The following WNT10A variants were observed in gnomAD, a reference collection of about 807,000 sequenced individuals.
The protein encoded by WNT10A is Wnt family member 10A.
In WNT10A, 37 loss-of-function variants were observed where a neutral mutation model predicts 36.1. That is an observed-to-expected ratio of 1.02 (90% CI 0.79 to 1.35). The LOEUF (loss-of-function observed/expected upper bound fraction) is 1.35. Ranked by LOEUF, WNT10A falls within the 40% of genes most tolerant of loss-of-function variation. The probability of loss-of-function intolerance (pLI) is 0.00; values close to 1 mark genes in which losing one functional copy is unlikely to be tolerated. For synonymous variants in WNT10A, 255 were observed against 254.1 expected (o/e 1.00, Z -0.03); for missense variants, 613 against 601.4 (o/e 1.02, Z -0.20).
chr2:218,888,084 G>C (rs1944598636), intron 2 of WNT10A, among the ~76,000 whole-genome samples: 2 of 152,134 alleles, frequency 1.3e-5, no homozygotes, highest in African/African-American at 2.4e-5. Context: ...TTTTGGTTTT[G>C]GTTTTTTTGT....
At chr2:218,892,306 CACACA>C (rs1944661592) in intron 3 of WNT10A, among the ~76,000 whole-genome samples, 146 of 542 alleles carry the variant, frequency 0.27, 2 homozygotes, top group Non-Finnish European at 0.066. Context: ...CACCCCACCA[CACACA>C]CACACACACA....
At chr2:218,878,696 C>T (rs528854769), upstream of WNT10A, among the ~76,000 whole-genome samples, 6 of 152,204 alleles carry the variant, frequency 3.9e-5, no homozygotes, top group South Asian at 4.2e-4. This position sits in a 1 kb window ranked among gnomAD's most constrained non-coding sequence, Gnocchi z 4.1. Context: ...CTGCATCAAG[C>T]GTGGGAAATG....
chr2:218,879,328 G>A (rs73084759), upstream of WNT10A, among the ~76,000 whole-genome samples: 24 of 152,332 alleles, frequency 1.6e-4, no homozygotes, highest in African/African-American at 5.1e-4. Context: ...TTGTTCCTAA[G>A]CCAGCAGGGG....
Position 218,881,027 on chromosome 2 carries a change from G to C in WNT10A, c.32G>C (p.Arg11Pro). The change falls in exon 1 of 4, where the codon CGG (arginine) becomes CCG (proline). Residue 11 changes from arginine to proline, a missense_variant. Arg to Pro is a moderately radical substitution (Grantham distance 103). Coordinates refer to ENST00000258411, the MANE Select transcript of WNT10A (RefSeq NM_025216.3). ...AGCGCCCACCCTCGCCCCTGGCTGCGGCTCCGACCCCAGCCCCAGCCGCGG... is the reference window on the plus strand; with the variant it reads ...AGCGCCCACCCTCGCCCCTGGCTGCCGCTCCGACCCCAGCCCCAGCCGCGG... MGSAHPRPWLRLRPQPQPRPA... is the reference protein window; with the variant it reads MGSAHPRPWLPLRPQPQPRPA... 8 of 1,598,716 alleles carry C rather than the reference G, an allele frequency of 5.0e-6. No homozygotes were observed. Among genetic ancestry groups the C allele is most frequent in the African/African-American group, 1.3e-5 (1 of 74,790 alleles).
Position 218,880,901 on chromosome 2 carries a change from C to A in WNT10A, c.-95C>A. 2 of 1,414,464 alleles carry A rather than the reference C, an allele frequency of 1.4e-6. No homozygotes were observed. Among genetic ancestry groups the A allele is most frequent in the Middle Eastern group, 2.6e-4 (1 of 3,918 alleles). 87.6% of individuals were successfully genotyped at this position (1,414,464 alleles called of 1,614,324 possible). A position where few individuals can be genotyped will look rare whatever the true frequency, so the allele number is the denominator to read the frequency against. On this transcript the variant is annotated 5_prime_UTR_variant, in exon 1 of 4. Transcript: ENST00000258411. This position sits in a 1 kb window ranked among gnomAD's most constrained non-coding sequence, Gnocchi z 7.7. The stretch of plus-strand genomic sequence containing the variant: ...AGTCGGAGCTGTGTGTCGCAGCCGC[C>A]CCGACCCCCCGCCGATCATGCGCCG...
At chr2:218,885,846 T>C (rs1944571623) in intron 2 of WNT10A, among the ~76,000 whole-genome samples, 3 of 152,252 alleles carry the variant, frequency 2.0e-5, no homozygotes, top group African/African-American at 7.2e-5. Flanking sequence ...GGTTCAATTA[T>C]TCTAACGATA....
In WNT10A at chr2:218,889,973, T is replaced by C. The variant is rs369995297; in HGVS notation, c.377-11T>C. 18 of 1,612,114 alleles carry C rather than the reference T, an allele frequency of 1.1e-5. No homozygotes were observed. Among genetic ancestry groups the C allele is most frequent in the Non-Finnish European group, 1.4e-5 (17 of 1,180,046 alleles). On this transcript the variant is annotated splice_polypyrimidine_tract_variant and intron_variant, in intron 2 of 3. Transcript: ENST00000258411. Reference sequence around the variant, plus strand: ...CTCCAGAGTCCATGTGTTCTGGGTCTTTAACCACAGGTTTCCGAGAGAGCG... The same window carrying C: ...CTCCAGAGTCCATGTGTTCTGGGTCCTTAACCACAGGTTTCCGAGAGAGCG...
chr2:218,886,457 G>C (rs1390920340), intron 2 of WNT10A, among the ~76,000 whole-genome samples: 2 of 152,092 alleles, frequency 1.3e-5, no homozygotes, highest in Non-Finnish European at 2.9e-5. Flanking sequence ...ATTGGCTCCT[G>C]AATCCTCTCT....
In WNT10A at chr2:218,893,127, T is replaced by C. The variant is rs1944677227; in HGVS notation, c.1110T>C (p.Asp370=). 1 of 1,594,214 alleles carries C rather than the reference T, an allele frequency of 6.3e-7. No homozygotes were observed. Among genetic ancestry groups the C allele is most frequent in the Non-Finnish European group, 8.5e-7 (1 of 1,177,882 alleles). ...GCAACAAGAGCAGCGCCGGCTCGGA[T>C]GGCTGCGGCAGCATGTGCTGCGGCC... ...RLCNKSSAGS[D]GCGSMCCGRG... is the part of the protein sequence containing the mutation. Residue 370 remains aspartate (D), a synonymous_variant, in exon 4 of 4, where the codon GAT becomes GAC. Coordinates refer to ENST00000258411, the MANE Select transcript of WNT10A (RefSeq NM_025216.3). This position sits in a 1 kb window ranked among gnomAD's most constrained non-coding sequence, Gnocchi z 6.3.
In WNT10A at chr2:218,882,334, G is replaced by C. The variant is rs1365352483; in HGVS notation, c.287G>C (p.Cys96Ser). The change falls in exon 2 of 4, where the codon TGC becomes TCC. Residue 96 changes from cysteine to serine, a missense_variant. Physicochemically the swap from Cys to Ser is moderately radical, Grantham distance 112. Transcript: ENST00000258411. ...GGCATCCAGATCGCCATCCACGAAT[G>C]CCAACACCAATTCAGGGACCAGCGC... ...IQGIQIAIHECQHQFRDQRWN... is the reference protein window; with the variant it reads ...IQGIQIAIHESQHQFRDQRWN... 6.2e-7 allele frequency: 1 copy of C among 1,614,166 alleles called. No individual in the cohort carries two copies. The highest frequency in any genetic ancestry group is 1.7e-5 in the Admixed American group (1 of 60,022).
intron 2 of WNT10A, among the ~76,000 whole-genome samples, chr2:218,885,708 C>T (rs553041429): frequency 2.3e-4 from 35 of 152,334 alleles, no homozygotes; most frequent in Admixed American, 1.7e-3. Context: ...TCCACAGCCC[C>T]GGCCCATTTT....
At chr2:218,884,270 G>C (rs1944554495) in intron 2 of WNT10A, 1 of 152,182 alleles carries the variant, frequency 6.6e-6, no homozygotes, top group African/African-American at 2.4e-5. Context: ...AACAGCGCAG[G>C]GCTGGCTGGG....
chr2:218,887,811 G>T (rs999045879), intron 2 of WNT10A, among the ~76,000 whole-genome samples: 1 of 152,164 alleles, frequency 6.6e-6, no homozygotes, highest in Non-Finnish European at 1.5e-5. Flanking sequence ...ATACTTCCTC[G>T]ATTAGTAAGG....
intron 2 of WNT10A, among the ~76,000 whole-genome samples, chr2:218,889,782 C>G (rs1944623526): frequency 6.6e-6 from 1 of 152,234 alleles, no homozygotes; most frequent in Non-Finnish European, 1.5e-5. Context: ...ATTGGGAAGC[C>G]TCCCTCCCAC....
chr2:218,882,499 A>G (rs1292459883), intron 2 of WNT10A, 76 bp downstream of exon 2: 2 of 1,581,330 alleles, frequency 1.3e-6, no homozygotes, highest in Non-Finnish European at 1.7e-6. Context: ...AGCCATTTCT[A>G]ACCCACTGCC....
At position 218,890,344 on chromosome 2, in the gene WNT10A, A is replaced by G. The variant is rs374494971; in HGVS notation, c.737A>G (p.Asn246Ser). Residue 246 changes from asparagine (N) to serine (S), a missense_variant, in exon 3 of 4, where the codon AAC becomes AGC. By Grantham distance (46) the Asn-to-Ser change is conservative. Coordinates refer to ENST00000258411, the MANE Select transcript of WNT10A (RefSeq NM_025216.3). Reference sequence around the variant, plus strand: ...ATCCACGCGAGAATGAGGCTTCACAACAACCGAGTTGGGAGGCAGGTGAGA... The same window carrying G: ...ATCCACGCGAGAATGAGGCTTCACAGCAACCGAGTTGGGAGGCAGGTGAGA... ...RDIHARMRLHNNRVGRQAVME... is the reference protein window; with the variant it reads ...RDIHARMRLHSNRVGRQAVME... 5 of 1,600,238 alleles carry G rather than the reference A, an allele frequency of 3.1e-6. No individual in the cohort carries two copies. The South Asian group carries it at 3.3e-5, about 11-fold the overall frequency.
In WNT10A at chr2:218,890,150, A is replaced by G; in HGVS notation, c.543A>G (p.Ala181=). Reference sequence around the variant, plus strand: ...AGCTGCACCGCTTACAACTGGATGCACTGCAGCGTGGTAAGGGCCTGAGCC... The same window carrying G: ...AGCTGCACCGCTTACAACTGGATGCGCTGCAGCGTGGTAAGGGCCTGAGCC... ...RRKLHRLQLD[A]LQRGKGLSHG... Residue 181 remains alanine (A), a synonymous_variant, in exon 3 of 4, where the codon GCA becomes GCG. Coordinates refer to ENST00000258411, the MANE Select transcript of WNT10A (RefSeq NM_025216.3). 1 of 1,614,182 alleles carries G rather than the reference A, an allele frequency of 6.2e-7. No homozygotes were observed. The highest frequency in any genetic ancestry group is 8.5e-7 in the Non-Finnish European group (1 of 1,180,022).
At chr2:218,889,432 A>G (rs1283131128) in intron 2 of WNT10A, among the ~76,000 whole-genome samples, 2 of 152,220 alleles carry the variant, frequency 1.3e-5, no homozygotes, top group Non-Finnish European at 2.9e-5. Flanking sequence ...TCCTCTGGGT[A>G]GATACCCAGT....
At position 218,881,127 on chromosome 2, in the gene WNT10A, C is replaced by T; in HGVS notation, c.113+19C>T. ...TGCCCAGGTGAGCCCTCACCTCATG[C>T]TCCGCCCTCCTAGAGAGTTGGGACC... On this transcript the variant is annotated intron_variant, in intron 1 of 3. Transcript: ENST00000258411. 3 of 1,574,330 alleles carry T rather than the reference C, an allele frequency of 1.9e-6. No homozygotes were observed. The highest frequency in any genetic ancestry group is 2.6e-6 in the Non-Finnish European group (3 of 1,159,138).
Sources: gnomAD v4.1 joint callset for allele counts (sites outside exome capture counted in the v4.1 genomes callset) on GRCh38, gnomAD v4.1.1 for gene constraint, Gnocchi (gnomAD v3.1) non-coding constraint, MANE v1.5 for transcripts, NCBI Gene and HGNC (gene_info 2026-07-23, HGNC 2026-07-21) for gene names.